The following TAF4 variants were observed in gnomAD, a reference collection of about 807,000 sequenced individuals.
The protein encoded by TAF4 is transcription initiation factor TFIID subunit 4.
In TAF4, 9 loss-of-function variants were observed where a neutral mutation model predicts 90.3. The ratio of observed to expected loss-of-function variants is 0.10; its 90% CI spans 0.06 to 0.17. TAF4 has a LOEUF of 0.17. Among genes scored for constraint, TAF4 ranks in the 10% least tolerant of loss-of-function variants. The pLI is 1.00. For missense variants in TAF4, 1,351 were observed against 1,370.7 expected, an observed-to-expected ratio of 0.99 and a Z score of 0.23; for synonymous variants, 818 against 638.9, an observed-to-expected ratio of 1.28 and a Z score of -4.23.
intron 4 of TAF4, among the ~76,000 whole-genome samples, chr20:62,009,506 G>A (rs1030835871): frequency 2.6e-5 from 4 of 152,196 alleles, no homozygotes; most frequent in East Asian, 1.9e-4. Flanking sequence ...CAATCCAAAC[G>A]GACACAGAAG....
At chr20:62,063,593 C>T (rs930598428) in intron 1 of TAF4, among the ~76,000 whole-genome samples, 1 of 152,166 alleles carries the variant, frequency 6.6e-6, no homozygotes, top group African/African-American at 2.4e-5. Context: ...GTCGGAGCCC[C>T]AGGCATCCGC....
At chr20:61,990,220 G>A (rs755415975) in intron 14 of TAF4, among the ~76,000 whole-genome samples, 1 of 152,164 alleles carries the variant, frequency 6.6e-6, no homozygotes, top group Non-Finnish European at 1.5e-5. Context: ...AGGAGTGCAC[G>A]CAAACACATG....
chr20:62,038,449 C>CT (rs2055946021), intron 1 of TAF4, among the ~76,000 whole-genome samples: 1 of 152,050 alleles, frequency 6.6e-6, no homozygotes. Context: ...GTATGAGCCA[C>CT]TGAGCCACCG....
chr20:61,997,927 A>G (rs1296881228), intron 13 of TAF4, among the ~76,000 whole-genome samples: 1 of 152,272 alleles, frequency 6.6e-6, no homozygotes, highest in Non-Finnish European at 1.5e-5. Flanking sequence ...CCGCAAAGGG[A>G]AGTCACCGTT....
intron 1 of TAF4, among the ~76,000 whole-genome samples, 165 bp from the exon 2 acceptor site, chr20:62,014,872 G>A (rs1320883408): frequency 9.2e-5 from 14 of 152,136 alleles, no homozygotes; most frequent in Admixed American, 5.2e-4. Context: ...GAGTCAAGAT[G>A]GTATACAAGA....
chr20:61,997,167 T>C (rs1379103874), intron 14 of TAF4, among the ~76,000 whole-genome samples: 2 of 152,144 alleles, frequency 1.3e-5, no homozygotes, highest in Non-Finnish European at 2.9e-5. Flanking sequence ...CAGCAATTCT[T>C]CCCCTTCATT....
chr20:62,004,009 C>G, intron 7 of TAF4, 131 bp from the exon 8 acceptor site: 1 of 1,152,584 alleles, frequency 8.7e-7, no homozygotes, highest in Non-Finnish European at 1.2e-6. Flanking sequence ...TAGGAAGACC[C>G]CGTGTGCAGC....
At chr20:62,049,979 G>A (rs977280144) in intron 1 of TAF4, among the ~76,000 whole-genome samples, 4 of 152,020 alleles carry the variant, frequency 2.6e-5, no homozygotes, top group South Asian at 2.1e-4. Flanking sequence ...GCAGCCCCAC[G>A]GAGCAGCCTG....
At position 62,000,455 on chromosome 20, in the gene TAF4, A is replaced by T. The variant is rs189743370; in HGVS notation, c.2656+97T>A. ...CATGTGGAAATCACAAACTCAGACA[A>T]AACACATGACCAGGTGTCAGGTGTG... is the stretch of plus-strand genomic sequence containing the variant. On this transcript the variant is annotated intron_variant, in intron 10 of 14. Transcript: ENST00000252996. The T allele has an allele frequency of 1.4e-4, 210 of 1,459,076 alleles. No homozygotes were observed. In the African/African-American group the frequency reaches 1.9e-3, roughly 13 times the overall value. 90.4% of individuals were successfully genotyped at this position (1,459,076 alleles called of 1,614,324 possible). A position where few individuals can be genotyped will look rare whatever the true frequency, so the allele number is the denominator to read the frequency against.
At chr20:61,983,282 T>C (rs2055561920) in intron 14 of TAF4, among the ~76,000 whole-genome samples, 1 of 147,140 alleles carries the variant, frequency 6.8e-6, no homozygotes, top group Admixed American at 6.7e-5. Flanking sequence ...GATACAAACC[T>C]TCCTAAATAC....
chr20:62,045,756 G>C (rs940350269), intron 1 of TAF4, among the ~76,000 whole-genome samples: 18 of 152,220 alleles, frequency 1.2e-4, no homozygotes, highest in African/African-American at 4.3e-4. Flanking sequence ...TGGCGAAAGA[G>C]CAGGCGGGCA....
At chr20:61,993,708 G>C (rs1165836477) in intron 14 of TAF4, among the ~76,000 whole-genome samples, 1 of 152,080 alleles carries the variant, frequency 6.6e-6, no homozygotes, top group African/African-American at 2.4e-5. Flanking sequence ...ACATAAAAGG[G>C]TGGGGGATCT....
At chr20:62,062,361 G>C (rs1248292329) in intron 1 of TAF4, among the ~76,000 whole-genome samples, 1 of 152,016 alleles carries the variant, frequency 6.6e-6, no homozygotes, top group African/African-American at 2.4e-5. Flanking sequence ...CTGTTCAAAA[G>C]AAGGTACTCT....
intron 14 of TAF4, among the ~76,000 whole-genome samples, chr20:61,983,888 G>T (rs1391201624): frequency 6.6e-6 from 1 of 152,098 alleles, no homozygotes; most frequent in Non-Finnish European, 1.5e-5. Flanking sequence ...TAGGCTGGGG[G>T]ACAAGAAAGA....
chr20:61,993,054 C>T (rs1477322893), intron 14 of TAF4, among the ~76,000 whole-genome samples: 2 of 152,178 alleles, frequency 1.3e-5, no homozygotes, highest in African/African-American at 2.4e-5. Context: ...AACATGCTCG[C>T]GTTTACCCTG....
At chr20:62,043,189 C>A (rs1450325956) in intron 1 of TAF4, among the ~76,000 whole-genome samples, 3 of 152,090 alleles carry the variant, frequency 2.0e-5, no homozygotes, top group Admixed American at 2.0e-4. Flanking sequence ...GGTGGCCACG[C>A]CTGCCTGTAG....
At chr20:62,050,235 A>C (rs1319451855) in intron 1 of TAF4, among the ~76,000 whole-genome samples, 1 of 151,998 alleles carries the variant, frequency 6.6e-6, no homozygotes, top group Middle Eastern at 3.2e-3. Context: ...CTCCTCCCCC[A>C]CATGACCTAT....
intron 1 of TAF4, among the ~76,000 whole-genome samples, chr20:62,053,721 A>G (rs1333898236): frequency 6.6e-6 from 1 of 152,254 alleles, no homozygotes; most frequent in Non-Finnish European, 1.5e-5. Context: ...GCACGGTCTG[A>G]GGCCTGCTGG....
In TAF4 at chr20:62,065,196, C is replaced by T; in HGVS notation, c.615G>A (p.Leu205=). 1.7e-6 allele frequency: 2 copies of T among 1,197,384 alleles called. No homozygotes were observed. Among genetic ancestry groups the T allele is most frequent in the South Asian group, 1.4e-5 (1 of 71,084 alleles). The allele number at this position is 1,197,384 out of a possible 1,614,324, so 74.2% of individuals were successfully genotyped here. ...CAGGTGCGGCGGCGTGGTGCGAGTT[C>T]AGCAGCGCGGCGCTCCCATTCAAAG... ...AQTLNGSAAL[L]NSHHAAAPAV... is the part of the protein sequence containing the mutation. The change falls in exon 1 of 15, where the codon CTG becomes CTA. Residue 205 remains leucine, a synonymous_variant. Coordinates refer to ENST00000252996, the MANE Select transcript of TAF4 (RefSeq NM_003185.4).
Sources: allele counts gnomAD v4.1 joint callset (sites outside exome capture counted in the v4.1 genomes callset), GRCh38; gene constraint gnomAD v4.1.1; transcripts MANE v1.5; gene names NCBI Gene and HGNC (gene_info 2026-07-23, HGNC 2026-07-21).